The following GLYATL2 variants were observed in gnomAD, a reference collection of about 807,000 sequenced individuals.
The protein encoded by GLYATL2 is glycine N-acyltransferase-like protein 2.
A neutral mutation model predicts 21.4 loss-of-function variants in GLYATL2; 25 were observed. The observed-to-expected ratio is 1.17, with a 90% CI of 0.85 to 1.63. The LOEUF is 1.63. GLYATL2 is among the 40% of genes most tolerant of loss of function. The pLI is 0.00. For missense variants in GLYATL2, 361 were observed against 343.3 expected (o/e 1.05, Z -0.41); for synonymous variants, 114 against 118.2 (o/e 0.96, Z 0.23).
intron 1 of GLYATL2, among the ~76,000 whole-genome samples, chr11:58,900,391 A>C (rs73481062): frequency 0.024 from 3,593 of 152,280 alleles, 152 homozygotes; most frequent in African/African-American, 0.082. Context: ...GACGATTGCG[A>C]AAAAACCTAT....
upstream of GLYATL2, chr11:58,905,758 G>GGGGGGGGGGCC: frequency 3.6e-5 from 1 of 27,562 alleles, no homozygotes. Context: ...GGGCGGGTGG[G>GGGGGGGGGGCC]CGCGCAGTCC....
intron 1 of GLYATL2, among the ~76,000 whole-genome samples, chr11:58,843,721 A>AC (rs1417616799): frequency 1.4e-5 from 2 of 139,068 alleles, no homozygotes; most frequent in Admixed American, 1.5e-4. Flanking sequence ...GTTAATAGAC[A>AC]GGGAAAAATG....
chr11:58,885,526 C>T, intron 1 of GLYATL2: 1 of 477,016 alleles, frequency 2.1e-6, no homozygotes, highest in South Asian at 1.6e-5. Flanking sequence ...TAGTTATTAT[C>T]CAACCACCAA....
At chr11:58,898,020 T>C (rs1854663916) in intron 1 of GLYATL2, among the ~76,000 whole-genome samples, 1 of 152,238 alleles carries the variant, frequency 6.6e-6, no homozygotes, top group African/African-American at 2.4e-5. Context: ...TCTTATTAAT[T>C]CACTTATCCA....
intron 1 of GLYATL2, among the ~76,000 whole-genome samples, chr11:58,900,099 C>A (rs901740534): frequency 6.6e-6 from 1 of 152,148 alleles, no homozygotes; most frequent in Non-Finnish European, 1.5e-5. Context: ...ACAGCAGAGT[C>A]CCTTTTCTTT....
chr11:58,906,973 A>G (rs1318420523), upstream of GLYATL2, among the ~76,000 whole-genome samples: 1 of 152,168 alleles, frequency 6.6e-6, no homozygotes, highest in Non-Finnish European at 1.5e-5. Context: ...ATCCTTTTTT[A>G]AAAAGCTCAG....
At chr11:58,882,158 T>A (rs1259392095) in intron 1 of GLYATL2, among the ~76,000 whole-genome samples, 1 of 152,268 alleles carries the variant, frequency 6.6e-6, no homozygotes, top group Non-Finnish European at 1.5e-5. Context: ...ATCACCGCAC[T>A]GTCTTCCACA....
At position 58,857,888 on chromosome 11, in the gene GLYATL2, CAAA is replaced by C. The variant is rs545952478; in HGVS notation, n.61-19523_61-19521del. ...CCTCATTCCCTACTCTTTTCCCCTC[CAAA>C]AAAAAAAAAAAAAAAAAAAAAACAA... On this transcript the variant is annotated intron_variant and non_coding_transcript_variant, in intron 1 of 4. Transcript: ENST00000533636. 2.0e-4 allele frequency among the ~76,000 whole-genome samples: 22 copies of C among 108,446 alleles called. 1 individual carries two copies. The highest frequency in any genetic ancestry group is 7.8e-4 in the African/African-American group (21 of 26,950). The allele number at this position is 108,446 out of a possible 152,430, so 71.1% of individuals were successfully genotyped here.
intron 1 of GLYATL2, among the ~76,000 whole-genome samples, chr11:58,870,453 A>G (rs1047150137): frequency 1.3e-5 from 2 of 152,126 alleles, no homozygotes; most frequent in African/African-American, 2.4e-5. Flanking sequence ...TGAGATTGGG[A>G]GTTATTGCAG....
upstream of GLYATL2, chr11:58,907,567 T>C (rs1379927266): frequency 2.8e-6 from 1 of 356,944 alleles, no homozygotes; most frequent in Non-Finnish European, 5.5e-6. Flanking sequence ...TAATGACTTT[T>C]AATGTTCCTG....
chr11:58,905,992 T>C (rs557003110), upstream of GLYATL2, among the ~76,000 whole-genome samples: 15 of 152,354 alleles, frequency 9.8e-5, no homozygotes, highest in East Asian at 2.9e-3. Flanking sequence ...CGCGCCAGCC[T>C]GCTCTTCCAG....
intron 1 of GLYATL2, among the ~76,000 whole-genome samples, chr11:58,879,815 T>C (rs562966104): frequency 2.6e-5 from 4 of 152,090 alleles, no homozygotes; most frequent in African/African-American, 4.8e-5. Flanking sequence ...TAAACAGTTT[T>C]GTGTTATGTG....
intron 1 of GLYATL2, among the ~76,000 whole-genome samples, chr11:58,884,059 G>T (rs1188151356): frequency 2.6e-5 from 4 of 152,020 alleles, no homozygotes; most frequent in Admixed American, 2.6e-4. Context: ...GTATTGATGG[G>T]ATGAATCTCA....
intron 1 of GLYATL2, among the ~76,000 whole-genome samples, chr11:58,886,537 TC>T (rs1854443835): frequency 6.6e-6 from 1 of 152,188 alleles, no homozygotes; most frequent in Non-Finnish European, 1.5e-5. Context: ...AATAAGAGGA[TC>T]TTCTTCAGAG....
chr11:58,835,768 C>A (rs531033365), intron 5 of GLYATL2, among the ~76,000 whole-genome samples: 1 of 152,236 alleles, frequency 6.6e-6, no homozygotes. Flanking sequence ...TGGCAAGATA[C>A]CAAGATATCC....
chr11:58,875,910 G>A (rs947946802), intron 1 of GLYATL2, among the ~76,000 whole-genome samples: 9 of 152,146 alleles, frequency 5.9e-5, no homozygotes, highest in Non-Finnish European at 4.4e-5. Context: ...CATTCTCCCC[G>A]TCACTTTCAG....
At chr11:58,881,115 C>G (rs1348626937) in intron 1 of GLYATL2, among the ~76,000 whole-genome samples, 1 of 151,962 alleles carries the variant, frequency 6.6e-6, no homozygotes, top group Non-Finnish European at 1.5e-5. Context: ...ATTATGAAGT[C>G]AATTAAAAAA....
At chr11:58,872,097 G>A (rs569232886) in intron 1 of GLYATL2, among the ~76,000 whole-genome samples, 10 of 152,120 alleles carry the variant, frequency 6.6e-5, no homozygotes. Flanking sequence ...AGAATTGTCT[G>A]TTCATATCCT....
At chr11:58,847,509 A>G (rs1853664280), upstream of GLYATL2, among the ~76,000 whole-genome samples, 1 of 152,288 alleles carries the variant, frequency 6.6e-6, no homozygotes, top group South Asian at 2.1e-4. Flanking sequence ...CTTTACTACA[A>G]GCTGATTTAA....
Sources: gnomAD v4.1 joint callset for allele counts (sites outside exome capture counted in the v4.1 genomes callset) on GRCh38, gnomAD v4.1.1 for gene constraint, MANE v1.5 for transcripts, NCBI Gene and HGNC (gene_info 2026-07-23, HGNC 2026-07-21) for gene names.